The following GABRA5 variants were observed in gnomAD, a reference collection of about 807,000 sequenced individuals.
GABRA5 encodes the protein gamma-aminobutyric acid receptor subunit alpha-5.
Under a neutral mutation model 47.3 loss-of-function variants are expected in GABRA5, and 18 were observed. The observed-to-expected ratio is 0.38, with a 90% CI of 0.26 to 0.56. The LOEUF (loss-of-function observed/expected upper bound fraction) is 0.56, where lower values mean the gene tolerates loss of function less well. GABRA5 is among the 20% of genes least tolerant of loss of function. The pLI, the probability that GABRA5 is intolerant of heterozygous loss-of-function variation, is 0.71. For missense variants in GABRA5, 365 were observed against 599.3 expected (o/e 0.61, Z 4.08); for synonymous variants, 237 against 229.3 (o/e 1.03, Z -0.30).
At chr15:26,941,740 G>T (rs560488792) in intron 9 of GABRA5, among the ~76,000 whole-genome samples, 1 of 152,252 alleles carries the variant, frequency 6.6e-6, no homozygotes, top group East Asian at 1.9e-4. Flanking sequence ...TTCCTGGCCT[G>T]TCTCCTGGCC....
intron 6 of GABRA5, among the ~76,000 whole-genome samples, chr15:26,910,867 G>A (rs536087477): frequency 1.3e-5 from 2 of 152,132 alleles, no homozygotes; most frequent in African/African-American, 4.8e-5. Context: ...TCTCTCTTGC[G>A]CTATGACAGT....
intron 6 of GABRA5, among the ~76,000 whole-genome samples, chr15:26,911,082 A>G (rs974789037): frequency 6.6e-6 from 1 of 152,182 alleles, no homozygotes; most frequent in Non-Finnish European, 1.5e-5. Flanking sequence ...AGGCTGAAAC[A>G]GTTCTTATTG....
chr15:26,947,134 G>A (rs1012199947), intron 10 of GABRA5, among the ~76,000 whole-genome samples: 3 of 152,198 alleles, frequency 2.0e-5, no homozygotes, highest in Non-Finnish European at 4.4e-5. Context: ...GCACTTGAAG[G>A]TAAAGAAGCG....
intron 3 of GABRA5, among the ~76,000 whole-genome samples, chr15:26,870,521 C>T (rs1012464001): frequency 1.3e-5 from 2 of 152,242 alleles, no homozygotes; most frequent in Admixed American, 6.5e-5. Flanking sequence ...ACTCTAACCA[C>T]ACTGACGGGA....
Position 26,869,167 on chromosome 15 carries a change from C to A in GABRA5, c.-74-8C>A. ...TTCACGTGCTTCCCCGCTTTGTGTG[C>A]TTTTCAGCTTCAAGAACAAGCTGGA... On this transcript the variant is annotated splice_region_variant and splice_polypyrimidine_tract_variant and intron_variant, in intron 2 of 10. Coordinates refer to ENST00000335625, the MANE Select transcript of GABRA5 (RefSeq NM_000810.4). 1.1e-6 allele frequency: 1 copy of A among 873,730 alleles called. No homozygotes were observed. The highest frequency in any genetic ancestry group is 2.0e-6 in the Non-Finnish European group (1 of 508,612). 54.1% of individuals were successfully genotyped at this position (873,730 alleles called of 1,614,324 possible).
At chr15:26,904,207 C>A (rs1893390357) in intron 6 of GABRA5, among the ~76,000 whole-genome samples, 1 of 151,976 alleles carries the variant, frequency 6.6e-6, no homozygotes, top group African/African-American at 2.4e-5. Flanking sequence ...TATCCCAGCA[C>A]CATTTATAGG....
rs1894567394 is a variant in GABRA5, at chr15:26,948,366, C to A, written c.*133C>A. 2 of 745,936 alleles carry A rather than the reference C, an allele frequency of 2.7e-6. No homozygotes were observed. Among genetic ancestry groups the A allele is most frequent in the Non-Finnish European group, 4.4e-6 (2 of 459,098 alleles). 46.2% of individuals were successfully genotyped at this position (745,936 alleles called of 1,614,324 possible). A position where few individuals can be genotyped will look rare whatever the true frequency, so the allele number is the denominator to read the frequency against. On this transcript the variant is annotated 3_prime_UTR_variant, in exon 11 of 11. Coordinates refer to ENST00000335625, the MANE Select transcript of GABRA5 (RefSeq NM_000810.4). Reference sequence around the variant, plus strand: ...ATTTTTGCATGTTTAATAATATGTACAAATAATATTGCCTTGATGTTTCTA... The same window carrying A: ...ATTTTTGCATGTTTAATAATATGTAAAAATAATATTGCCTTGATGTTTCTA...
At chr15:26,887,197 A>T (rs1892900141) in intron 6 of GABRA5, among the ~76,000 whole-genome samples, 1 of 152,214 alleles carries the variant, frequency 6.6e-6, no homozygotes, top group Non-Finnish European at 1.5e-5. Context: ...GATACCAAAC[A>T]CTGGAATAAA....
rs2140596779 is a variant in GABRA5, at chr15:26,943,416, C to T, written c.1079C>T (p.Ala360Val). ...GATGGCAAAAAAGCCTTGGAAGCAG[C>T]CAAGATCAAGGTACTGACTATTTCT... The part of the protein sequence containing the change: ...AWDGKKALEA[A>V]KIKKKREVIL... Residue 360 changes from alanine (A) to valine (V), a missense_variant, in exon 10 of 11, where the codon GCC (alanine) becomes GTC (valine). Physicochemically the swap from Ala to Val is moderately conservative, Grantham distance 64 (BLOSUM62 0). This residue lies in a region of GABRA5 where 106 missense variants were observed against 130.3 expected (regional missense o/e 0.81). Coordinates refer to ENST00000335625, the MANE Select transcript of GABRA5 (RefSeq NM_000810.4). The T allele has an allele frequency of 2.5e-6, 4 of 1,588,170 alleles. No individual in the cohort carries two copies. Among genetic ancestry groups the T allele is most frequent in the Non-Finnish European group, 3.4e-6 (4 of 1,167,066 alleles).
chr15:26,901,448 CTGTA>C (rs1184691954), intron 6 of GABRA5, among the ~76,000 whole-genome samples: 12 of 152,138 alleles, frequency 7.9e-5, no homozygotes, highest in Non-Finnish European at 1.6e-4. Flanking sequence ...TATTTATCAT[CTGTA>C]TGTCTTTTTT....
rs147688364 is a variant in GABRA5, at chr15:26,889,129, A to C, written c.497+5572A>C. Among the ~76,000 whole-genome samples the C allele has an allele frequency of 7.2e-5, 11 of 152,380 alleles. No individual in the cohort carries two copies. The East Asian group carries it at 2.1e-3, about 29-fold the overall frequency. On this transcript the variant is annotated intron_variant, in intron 6 of 10. Transcript: ENST00000335625. ...CCGCTCTGCATCATCTCTTTTGCAC[A>C]CTATGTATTCCTCTGTGCTGTTTTT...
chr15:26,932,503 T>G (rs1228052871), intron 7 of GABRA5, among the ~76,000 whole-genome samples: 1 of 152,170 alleles, frequency 6.6e-6, no homozygotes, highest in East Asian at 1.9e-4. Flanking sequence ...AGGAATGAGT[T>G]TACACTGTTG....
At chr15:26,872,006 G>A (rs1229697096) in intron 3 of GABRA5, among the ~76,000 whole-genome samples, 3 of 152,176 alleles carry the variant, frequency 2.0e-5, no homozygotes, top group Admixed American at 6.5e-5. Flanking sequence ...AAGAAGTGGG[G>A]TTTCTAGCAA....
chr15:26,936,034 C>T (rs1288785107), intron 7 of GABRA5, among the ~76,000 whole-genome samples: 1 of 152,100 alleles, frequency 6.6e-6, no homozygotes, highest in Non-Finnish European at 1.5e-5. Context: ...GGGCAATTCC[C>T]CCATGCTGTT....
chr15:26,891,092 G>A (rs1485414385), intron 6 of GABRA5, among the ~76,000 whole-genome samples: 2 of 152,222 alleles, frequency 1.3e-5, no homozygotes, highest in African/African-American at 4.8e-5. Context: ...TTCTGGGCCT[G>A]TTGAGAAGGC....
At chr15:26,924,735 G>A (rs1893920679) in intron 7 of GABRA5, among the ~76,000 whole-genome samples, 1 of 152,156 alleles carries the variant, frequency 6.6e-6, no homozygotes, top group Non-Finnish European at 1.5e-5. Context: ...CTTGGTTGGA[G>A]TACAGTGGCC....
rs897731039 is a variant in GABRA5, at chr15:26,945,725, C to T, written c.1090-2209C>T. On this transcript the variant is annotated intron_variant, in intron 10 of 10. Transcript: ENST00000335625. Reference sequence around the variant, plus strand: ...CACTGCCTGCAGCTGGGGAGCACGTCCTTCTGGCAAGGCGGATTCCAGGGC... The same window carrying T: ...CACTGCCTGCAGCTGGGGAGCACGTTCTTCTGGCAAGGCGGATTCCAGGGC... 5.3e-5 allele frequency among the ~76,000 whole-genome samples: 8 copies of T among 152,330 alleles called. No homozygotes were observed. In the East Asian group the frequency reaches 1.2e-3, roughly 22 times the overall value.
At chr15:26,913,327 G>C (rs61999578) in intron 6 of GABRA5, among the ~76,000 whole-genome samples, 73,269 of 151,944 alleles carry the variant, frequency 0.48, 18,165 homozygotes, top group Middle Eastern at 0.63. Context: ...AGAAGATTTC[G>C]TATCTTTGAT....
intron 10 of GABRA5, among the ~76,000 whole-genome samples, chr15:26,943,754 A>C (rs1182248840): frequency 6.6e-6 from 1 of 152,150 alleles, no homozygotes; most frequent in Non-Finnish European, 1.5e-5. Context: ...TTCACCATGC[A>C]GGGTGTCCTC....
Sources: allele counts gnomAD v4.1 joint callset (sites outside exome capture counted in the v4.1 genomes callset), GRCh38; gene constraint gnomAD v4.1.1; regional missense constraint gnomAD v4.1.1; transcripts MANE v1.5; gene names NCBI Gene and HGNC (gene_info 2026-07-23, HGNC 2026-07-21).